Variants in MOB3B observed in about 807,000 individuals in gnomAD.
MOB3B encodes the protein MOB kinase activator 3B, also known as MOB kinase activator-like 2B.
MOB3B carries 7 observed loss-of-function variants against 18.7 expected under a neutral mutation model. The observed-to-expected ratio is 0.37, with a 90% CI of 0.21 to 0.70. The LOEUF (loss-of-function observed/expected upper bound fraction) is 0.70, where lower values mean the gene tolerates loss of function less well. Ranked by LOEUF, MOB3B falls within the 30% of genes least tolerant of loss-of-function variation. The pLI is 0.52. For missense variants in MOB3B, 253 were observed against 281.3 expected, an observed-to-expected ratio of 0.90 and a Z score of 0.72; for synonymous variants, 111 against 99.9, an observed-to-expected ratio of 1.11 and a Z score of -0.66.
intron 1 of MOB3B, among the ~76,000 whole-genome samples, chr9:27,480,386 G>A (rs1038040897): frequency 6.6e-6 from 1 of 150,708 alleles, no homozygotes; most frequent in Non-Finnish European, 1.5e-5. Context: ...TGCAAGCTCC[G>A]CCTCCTGGGT....
intron 3 of MOB3B, among the ~76,000 whole-genome samples, chr9:27,341,486 T>C (rs1235641569): frequency 6.6e-6 from 1 of 152,260 alleles, no homozygotes; most frequent in Non-Finnish European, 1.5e-5. Flanking sequence ...AAGTCTGTAG[T>C]TTCTAAGCAG....
intron 2 of MOB3B, among the ~76,000 whole-genome samples, chr9:27,447,097 G>T (rs1822704256): frequency 6.6e-6 from 1 of 152,118 alleles, no homozygotes; most frequent in Non-Finnish European, 1.5e-5. Flanking sequence ...GTTCGTTGAA[G>T]GAAAAGCTTG....
At chr9:27,365,225 T>C (rs1270218602) in intron 2 of MOB3B, among the ~76,000 whole-genome samples, 1 of 148,112 alleles carries the variant, frequency 6.8e-6, no homozygotes, top group Non-Finnish European at 1.5e-5. Context: ...CTGATATATA[T>C]AGTCCTGGCA....
chr9:27,455,432 G>T lies in MOB3B; in HGVS notation c.119C>A (p.Ser40Ter). 1 of 1,614,202 alleles carries T rather than the reference G, an allele frequency of 6.2e-7. No individual in the cohort carries two copies. The highest frequency in any genetic ancestry group is 8.5e-7 in the Non-Finnish European group (1 of 1,180,038). Residue 40 changes from serine to a stop codon, truncating the protein, a stop_gained, in exon 2 of 4, where the codon TCG (serine) becomes TAG (stop). Transcript: ENST00000262244. LOFTEE classifies it high-confidence loss of function. ...LHKRAQASLN[S>*]GVDLKAAVQL... Reference sequence around the variant, plus strand: ...CACAGCCGCCTTCAGGTCCACACCCGAGTTGAGGGATGCCTGAGCCCGTTT... The same window carrying T: ...CACAGCCGCCTTCAGGTCCACACCCTAGTTGAGGGATGCCTGAGCCCGTTT...
intron 2 of MOB3B, among the ~76,000 whole-genome samples, chr9:27,410,019 C>A (rs187306620): frequency 3.9e-5 from 6 of 152,234 alleles, no homozygotes; most frequent in Admixed American, 1.3e-4. Context: ...GATGATTGAA[C>A]AACACTGTGA....
chr9:27,489,387 T>A (rs1183898280), intron 1 of MOB3B, among the ~76,000 whole-genome samples: 1 of 152,162 alleles, frequency 6.6e-6, no homozygotes, highest in Non-Finnish European at 1.5e-5. Flanking sequence ...AATCCTGAGC[T>A]CTCACTCTTA....
intron 3 of MOB3B, among the ~76,000 whole-genome samples, chr9:27,347,734 C>T (rs1254794744): frequency 6.6e-6 from 1 of 152,192 alleles, no homozygotes; most frequent in Non-Finnish European, 1.5e-5. Flanking sequence ...CATTTTTTAT[C>T]TTTCACACTG....
intron 1 of MOB3B, among the ~76,000 whole-genome samples, chr9:27,503,095 C>T (rs139129951): frequency 3.7e-4 from 56 of 152,212 alleles, no homozygotes; most frequent in African/African-American, 1.3e-3. Flanking sequence ...AGGAGCCGGA[C>T]TTCAGGCATC....
chr9:27,495,377 AAATG>A (rs1819881264), intron 1 of MOB3B, among the ~76,000 whole-genome samples: 1 of 152,144 alleles, frequency 6.6e-6, no homozygotes. Context: ...TTAATTAATT[AAATG>A]AATGGAGCTG....
At chr9:27,476,042 G>C (rs890361918) in intron 1 of MOB3B, among the ~76,000 whole-genome samples, 2 of 152,126 alleles carry the variant, frequency 1.3e-5, no homozygotes, top group African/African-American at 4.8e-5. Flanking sequence ...TGCTATATTG[G>C]TTTACAAAGT....
At chr9:27,518,011 C>G (rs1183885146) in intron 1 of MOB3B, among the ~76,000 whole-genome samples, 1 of 152,136 alleles carries the variant, frequency 6.6e-6, no homozygotes, top group Non-Finnish European at 1.5e-5. Flanking sequence ...TAGATACCAC[C>G]CCCAACCTCA....
At chr9:27,331,708 T>C (rs893797414) in intron 3 of MOB3B, among the ~76,000 whole-genome samples, 10 of 152,200 alleles carry the variant, frequency 6.6e-5, no homozygotes, top group African/African-American at 2.4e-4. Context: ...ACAAGTTTCA[T>C]GTCACTTTAG....
At chr9:27,480,212 C>G (rs967959432) in intron 1 of MOB3B, among the ~76,000 whole-genome samples, 2 of 151,794 alleles carry the variant, frequency 1.3e-5, no homozygotes, top group African/African-American at 4.8e-5. Flanking sequence ...GAGTGTGGCG[C>G]AATCTCGGCT....
At chr9:27,409,364 G>A (rs1822031258) in intron 2 of MOB3B, among the ~76,000 whole-genome samples, 1 of 152,110 alleles carries the variant, frequency 6.6e-6, no homozygotes, top group South Asian at 2.1e-4. Context: ...TAAAATGTTT[G>A]ATCATAACCA....
intron 2 of MOB3B, among the ~76,000 whole-genome samples, chr9:27,417,807 A>C (rs907399247): frequency 1.3e-5 from 2 of 152,122 alleles, no homozygotes; most frequent in African/African-American, 4.8e-5. Flanking sequence ...TCACGCCTGT[A>C]ATCCCAGCAC....
chr9:27,452,438 C>G (rs1333474208), intron 2 of MOB3B, among the ~76,000 whole-genome samples: 1 of 152,072 alleles, frequency 6.6e-6, no homozygotes, highest in African/African-American at 2.4e-5. Context: ...ATGAATAAAA[C>G]CAGAGTGGTA....
intron 2 of MOB3B, among the ~76,000 whole-genome samples, chr9:27,444,701 C>G (rs1480562418): frequency 6.6e-6 from 1 of 152,102 alleles, no homozygotes; most frequent in Admixed American, 6.6e-5. Flanking sequence ...GATTCTAAAC[C>G]TGGATCAACC....
At chr9:27,418,898 A>C (rs1295841316) in intron 2 of MOB3B, among the ~76,000 whole-genome samples, 1 of 151,516 alleles carries the variant, frequency 6.6e-6, no homozygotes, top group African/African-American at 2.4e-5. Flanking sequence ...TTACCTTGAA[A>C]ACCCTAAGGA....
At chr9:27,437,016 G>A (rs1307710206) in intron 2 of MOB3B, among the ~76,000 whole-genome samples, 2 of 151,002 alleles carry the variant, frequency 1.3e-5, no homozygotes, top group Non-Finnish European at 1.5e-5. Context: ...CCTGGGGGTG[G>A]GGGGAGTGTG....
Sources: gnomAD v4.1 joint callset for allele counts (sites outside exome capture counted in the v4.1 genomes callset) on GRCh38, gnomAD v4.1.1 for gene constraint, MANE v1.5 for transcripts, NCBI Gene and HGNC (gene_info 2026-07-23, HGNC 2026-07-21) for gene names.